The following WDR4 variants were observed in gnomAD, a reference collection of about 807,000 sequenced individuals.
WDR4 encodes tRNA (guanine-N(7)-)-methyltransferase non-catalytic subunit WDR4.
A neutral mutation model predicts 48.6 loss-of-function variants in WDR4; 47 were observed. The observed-to-expected ratio is 0.97, with a 90% CI of 0.77 to 1.23. WDR4 has a LOEUF of 1.23. WDR4 is among the 50% of genes most tolerant of loss of function. The pLI, the probability that WDR4 is intolerant of heterozygous loss-of-function variation, is 0.00. For synonymous variants in WDR4, 268 were observed against 230.0 expected, an observed-to-expected ratio of 1.17 and a Z score of -1.49; for missense variants, 606 against 551.6, an observed-to-expected ratio of 1.10 and a Z score of -0.99.
chr21:42,845,751 C>A (rs926671491), downstream of WDR4, among the ~76,000 whole-genome samples: 3 of 152,220 alleles, frequency 2.0e-5, no homozygotes, highest in Non-Finnish European at 4.4e-5. Context: ...GAAGGACTGG[C>A]AGGATCTTCT....
intron 2 of WDR4, among the ~76,000 whole-genome samples, chr21:42,875,887 A>G (rs1186233225): frequency 2.0e-5 from 3 of 150,466 alleles, no homozygotes; most frequent in Non-Finnish European, 4.4e-5. Context: ...ACAGAAACTA[A>G]AAGTATTTAG....
At chr21:42,875,802 C>G (rs190632926) in intron 2 of WDR4, among the ~76,000 whole-genome samples, 36 of 152,262 alleles carry the variant, frequency 2.4e-4, no homozygotes, top group East Asian at 3.9e-4. Context: ...ACTTTTATAT[C>G]TCAATTAGCT....
intron 3 of WDR4, among the ~76,000 whole-genome samples, chr21:42,871,915 G>C (rs1389431693): frequency 6.6e-6 from 1 of 152,096 alleles, no homozygotes; most frequent in Non-Finnish European, 1.5e-5. Flanking sequence ...CAGCGTTTCA[G>C]GGCTTTCTTT....
At chr21:42,885,796 G>A in the WDR4 span, among the ~76,000 whole-genome samples, 1 of 152,014 alleles carries the variant, frequency 6.6e-6, no homozygotes, top group Non-Finnish European at 1.5e-5. Flanking sequence ...CTCGGCTCAA[G>A]TGGATTGTCC....
rs952820465 is a variant in WDR4 at position 42,876,739 on chromosome 21, A to C, written c.118T>G (p.Cys40Gly). Residue 40 changes from cysteine to glycine, a missense_variant, in exon 2 of 11, where the codon TGC becomes GGC. Physicochemically the swap from Cys to Gly is radical, Grantham distance 159. Transcript: ENST00000398208. The stretch of plus-strand genomic sequence containing the variant: ...TGTGACTTCTTTTCTGCAGCACTGC[A>C]GTCATAGATGAAGAGGCTGTCATCA... The part of the protein sequence containing the change: ...SDDDSLFIYD[C>G]SAAEKKSQEN... 6.2e-7 allele frequency: 1 copy of C among 1,613,740 alleles called. No homozygotes were observed. Among genetic ancestry groups the C allele is most frequent in the East Asian group, 2.2e-5 (1 of 44,868 alleles).
upstream of WDR4, chr21:42,879,671 G>T: frequency 1.4e-6 from 1 of 710,440 alleles, no homozygotes; most frequent in Non-Finnish European, 2.2e-6. Flanking sequence ...CGCCCTCCGG[G>T]TTGTGGCTGG....
the WDR4 span, among the ~76,000 whole-genome samples, chr21:42,890,137 T>C: frequency 1.1e-4 from 16 of 151,996 alleles, no homozygotes; most frequent in Admixed American, 7.9e-4. Context: ...TGCATGCGAA[T>C]GGTGTGATAT....
At chr21:42,879,082 C>T in intron 1 of WDR4, 1 of 1,158,874 alleles carries the variant, frequency 8.6e-7, no homozygotes, top group Non-Finnish European at 1.1e-6. Flanking sequence ...ACGTGCTCTA[C>T]CTACCCGGTC....
intron 3 of WDR4, among the ~76,000 whole-genome samples, chr21:42,866,238 G>A (rs2058243398): frequency 6.6e-6 from 1 of 152,116 alleles, no homozygotes; most frequent in Non-Finnish European, 1.5e-5. Context: ...CAGGTGGCAG[G>A]CCCTCCGTCC....
intron 9 of WDR4, among the ~76,000 whole-genome samples, chr21:42,852,871 C>T (rs1392321102): frequency 6.6e-6 from 1 of 151,012 alleles, no homozygotes; most frequent in Non-Finnish European, 1.5e-5. Context: ...GCCGAGATAG[C>T]GCCATTGTAC....
At chr21:42,864,123 A>G (rs936307852) in intron 3 of WDR4, among the ~76,000 whole-genome samples, 2 of 146,918 alleles carry the variant, frequency 1.4e-5, no homozygotes, top group African/African-American at 2.6e-5. Context: ...AAAAAAAAAA[A>G]AAAAAAAGAA....
rs1231128855 is a variant in WDR4 at position 42,859,740 on chromosome 21, A to C, written c.567-18T>G. 2.6e-6 allele frequency: 4 copies of C among 1,554,286 alleles called. No individual in the cohort carries two copies. The highest frequency in any genetic ancestry group is 2.4e-5 in the East Asian group (1 of 41,096). On this transcript the variant is annotated intron_variant, in intron 5 of 10. Transcript: ENST00000398208. ...TCACAAACCTGTGAGGGCGAGAGAG[A>C]GCGGCAGAGTCAGCGAGCCCAGCGC...
Position 42,861,003 on chromosome 21 carries a change from G to C in WDR4, c.566+1279C>G, listed in dbSNP as rs546444210. Among the ~76,000 whole-genome samples the C allele has an allele frequency of 2.0e-4, 30 of 152,302 alleles. No homozygotes were observed. The South Asian group carries it at 6.2e-3, about 32-fold the overall frequency. On this transcript the variant is annotated intron_variant, in intron 5 of 10. Transcript: ENST00000398208. Reference sequence around the variant, plus strand: ...ACGGGGCTTTGTTTTCAATTTGCCAGCCACTATGTTGAAAAGTAAACGGGC... The same window carrying C: ...ACGGGGCTTTGTTTTCAATTTGCCACCCACTATGTTGAAAAGTAAACGGGC...
upstream of WDR4, chr21:42,879,973 T>C: frequency 2.5e-6 from 1 of 392,970 alleles, no homozygotes; most frequent in Non-Finnish European, 4.5e-6. Flanking sequence ...CTACTAAAAG[T>C]ACAAAAATTT....
intron 9 of WDR4, among the ~76,000 whole-genome samples, chr21:42,853,274 C>A (rs554778452): frequency 6.6e-6 from 1 of 152,212 alleles, no homozygotes; most frequent in Admixed American, 6.5e-5. Context: ...CCTTGCCACA[C>A]TGAGTGCCAA....
At chr21:42,878,921 C>T (rs1011633618) in intron 1 of WDR4, 1 of 982,114 alleles carries the variant, frequency 1.0e-6, no homozygotes, top group Non-Finnish European at 1.2e-6. Flanking sequence ...AGGGAACAGA[C>T]AACCCTGCAA....
chr21:42,850,283 A>G, intron 10 of WDR4, 41 bp from the exon 11 acceptor site: 1 of 1,544,446 alleles, frequency 6.5e-7, no homozygotes, highest in Non-Finnish European at 8.7e-7. Flanking sequence ...GTGGGGCAGG[A>G]ACATGGGACT....
chr21:42,859,201 C>T (rs1172626000), intron 6 of WDR4, among the ~76,000 whole-genome samples: 1 of 151,460 alleles, frequency 6.6e-6, no homozygotes, highest in Non-Finnish European at 1.5e-5. Flanking sequence ...TCGCTTGAGC[C>T]CAGGAGTTTG....
Position 42,849,827 on chromosome 21 carries a change from G to C in WDR4, c.*222C>G. On this transcript the variant is annotated 3_prime_UTR_variant, in exon 11 of 11. Coordinates refer to ENST00000398208, the MANE Select transcript of WDR4 (RefSeq NM_018669.6). ...GTGCTTCAAGAGCTTCCACTCCACTGGTCTGGCTTCCCTTCAACCAGAAAG... is the reference window on the plus strand; with the variant it reads ...GTGCTTCAAGAGCTTCCACTCCACTCGTCTGGCTTCCCTTCAACCAGAAAG... 2 of 538,196 alleles carry C rather than the reference G, an allele frequency of 3.7e-6. No individual in the cohort carries two copies. Among genetic ancestry groups the C allele is most frequent in the Non-Finnish European group, 6.4e-6 (2 of 312,446 alleles). 33.3% of individuals were successfully genotyped at this position (538,196 alleles called of 1,614,324 possible). A position where few individuals can be genotyped will look rare whatever the true frequency, so the allele number is the denominator to read the frequency against.
Sources: allele counts gnomAD v4.1 joint callset (sites outside exome capture counted in the v4.1 genomes callset), GRCh38; gene constraint gnomAD v4.1.1; transcripts MANE v1.5; gene names NCBI Gene and HGNC (gene_info 2026-07-23, HGNC 2026-07-21).